Variants in SCN2B observed in about 807,000 individuals in gnomAD.
SCN2B encodes the protein sodium channel regulatory subunit beta-2.
Under a neutral mutation model 18.2 loss-of-function variants are expected in SCN2B, and 14 were observed. That is an observed-to-expected ratio of 0.77 (90% CI 0.51 to 1.21). The LOEUF is 1.21. Among genes scored for constraint, SCN2B ranks in the 50% most tolerant of loss-of-function variants. The pLI is 0.00. For synonymous variants in SCN2B, 115 were observed against 115.3 expected (o/e 1.00, Z 0.02); for missense variants, 262 against 286.9 (o/e 0.91, Z 0.63).
At chr11:118,176,311 T>C (rs763016163) in intron 1 of SCN2B, 51 bp downstream of exon 1, 2 of 1,493,572 alleles carry the variant, frequency 1.3e-6, no homozygotes, top group Admixed American at 3.3e-5. Flanking sequence ...CCTCTTCACA[T>C]TGCGGCTACA....
rs551450169 is a variant in SCN2B, at chr11:118,169,437, C to T, written c.71-686G>A. 1.7e-4 allele frequency among the ~76,000 whole-genome samples: 26 copies of T among 152,268 alleles called. No homozygotes were observed. In the South Asian group the frequency reaches 4.6e-3, roughly 27 times the overall value. On this transcript the variant is annotated intron_variant, in intron 1 of 3. Coordinates refer to ENST00000278947, the MANE Select transcript of SCN2B (RefSeq NM_004588.5). ...AGCTGAAACTGCAGGGCTCCCCTGC[C>T]GTTCTGTTCTCAGGACAGCAGACTG... is the stretch of plus-strand genomic sequence containing the variant.
rs900671388 is a variant in SCN2B at position 118,174,816 on chromosome 11, C to T, written c.70+1546G>A. 4.6e-5 allele frequency among the ~76,000 whole-genome samples: 7 copies of T among 152,182 alleles called. No homozygotes were observed. The East Asian group carries it at 9.6e-4, about 21-fold the overall frequency. ...CTCACCAGGCGGCTTCTCTCCTGCA[C>T]GAAGTGCTTCCTAACTCCTGAGGAA... On this transcript the variant is annotated intron_variant, in intron 1 of 3. Transcript: ENST00000278947.
rs1555101438 is a variant in SCN2B at position 118,174,091 on chromosome 11, C to CTTTTGTTTTTTTTTT, written c.70+2270_70+2271insAAAAAAAAAACAAAA. Reference sequence around the variant, plus strand: ...ACCATGCCTGGCTTATTTTTCTTTTCTTTTTTTTTTTTTTTTTTTTTTTTT... The same window carrying CTTTTGTTTTTTTTTT: ...ACCATGCCTGGCTTATTTTTCTTTTCTTTTGTTTTTTTTTTTTTTTTTTTTTTTTTTTTTTTTTTT... On this transcript the variant is annotated intron_variant, in intron 1 of 3. Transcript: ENST00000278947. Among the ~76,000 whole-genome samples the CTTTTGTTTTTTTTTT allele has an allele frequency of 8.7e-4, 58 of 66,660 alleles. 10 individuals carry two copies. The highest frequency in any genetic ancestry group is 3.1e-3 in the African/African-American group (48 of 15,544). The allele number at this position is 66,660 out of a possible 152,430, so 43.7% of individuals were successfully genotyped here.
At chr11:118,172,879 T>G (rs1253886108) in intron 1 of SCN2B, among the ~76,000 whole-genome samples, 5 of 136,998 alleles carry the variant, frequency 3.6e-5, no homozygotes. Context: ...ATGAGGTAAT[T>G]ATTTTCTTCT....
chr11:118,175,995 T>TA (rs1948465843), intron 1 of SCN2B, among the ~76,000 whole-genome samples: 1 of 152,120 alleles, frequency 6.6e-6, no homozygotes, highest in Non-Finnish European at 1.5e-5. Context: ...AAGGGAGCAT[T>TA]AAGTCCCAGG....
rs677652 is a variant in SCN2B at position 118,165,996 on chromosome 11, C to T, written c.*891G>A. ...GAAAGCTGCCCCACCCTGTGCATGG[C>T]CTCCTCATTTCCCAGCCTTGGCTGC... On this transcript the variant is annotated 3_prime_UTR_variant, in exon 4 of 4. Coordinates refer to ENST00000278947, the MANE Select transcript of SCN2B (RefSeq NM_004588.5). 0.08 allele frequency: 12,248 copies of T among 152,396 alleles called. 1,665 individuals are homozygous for T. The highest frequency in any genetic ancestry group is 0.28 in the African/African-American group (11,603 of 41,520). 9.4% of individuals were successfully genotyped at this position (152,396 alleles called of 1,614,324 possible). A position where few individuals can be genotyped will look rare whatever the true frequency, so the allele number is the denominator to read the frequency against.
chr11:118,171,174 G>A (rs1948428345), intron 1 of SCN2B, among the ~76,000 whole-genome samples: 1 of 152,176 alleles, frequency 6.6e-6, no homozygotes, highest in Non-Finnish European at 1.5e-5. Flanking sequence ...CAAGCTGGGA[G>A]ACAGCTGTCA....
intron 3 of SCN2B, 36 bp from the exon 4 acceptor site, chr11:118,167,122 G>T (rs377570561): frequency 1.9e-6 from 3 of 1,595,062 alleles, no homozygotes; most frequent in Non-Finnish European, 1.7e-6. Context: ...CACCAGGGCT[G>T]GGAAAGGGGC....
chr11:118,176,011 G>A (rs531469662), intron 1 of SCN2B, among the ~76,000 whole-genome samples: 6 of 152,220 alleles, frequency 3.9e-5, no homozygotes, highest in South Asian at 2.1e-4. Flanking sequence ...CCAGGACCCC[G>A]CATTTGCAGC....
chr11:118,168,789 G>A lies in SCN2B; in HGVS notation c.71-38C>T, dbSNP rs1185240544. 6.2e-7 allele frequency: 1 copy of A among 1,613,010 alleles called. No individual in the cohort carries two copies. The highest frequency in any genetic ancestry group is 8.5e-7 in the Non-Finnish European group (1 of 1,179,570). On this transcript the variant is annotated intron_variant, in intron 1 of 3. Transcript: ENST00000278947. The surrounding 1 kb of genome is among the most constrained non-coding windows in gnomAD (Gnocchi z 4.7). The stretch of plus-strand genomic sequence containing the variant: ...CCACAAGCTGGTGAGGAGTCTGGCT[G>A]AAAGGGCTGGGGAGGGGCAAGCCCT...
intron 1 of SCN2B, among the ~76,000 whole-genome samples, chr11:118,175,895 C>A: frequency 6.6e-6 from 1 of 152,118 alleles, no homozygotes; most frequent in East Asian, 1.9e-4. Context: ...AGAAGCCAGA[C>A]CCAGACTCAA....
At chr11:118,176,077 C>T (rs996685919) in intron 1 of SCN2B, among the ~76,000 whole-genome samples, 5 of 152,162 alleles carry the variant, frequency 3.3e-5, no homozygotes, top group African/African-American at 4.8e-5. Flanking sequence ...TCTGCCCCAC[C>T]GCCACGTAGG....
intron 1 of SCN2B, among the ~76,000 whole-genome samples, chr11:118,172,467 G>A (rs976239963): frequency 1.3e-5 from 2 of 152,208 alleles, no homozygotes; most frequent in African/African-American, 4.8e-5. Flanking sequence ...CCCATTCCAA[G>A]GCATCCGATC....
chr11:118,175,903 C>T (rs1384516339), intron 1 of SCN2B, among the ~76,000 whole-genome samples: 1 of 152,174 alleles, frequency 6.6e-6, no homozygotes, highest in Non-Finnish European at 1.5e-5. Flanking sequence ...GACCCAGACT[C>T]AACTTTCTGC....
chr11:118,168,826 A>C lies in SCN2B; in HGVS notation c.71-75T>G. 6.5e-7 allele frequency: 1 copy of C among 1,547,596 alleles called. No homozygotes were observed. The highest frequency in any genetic ancestry group is 8.9e-7 in the Non-Finnish European group (1 of 1,121,738). On this transcript the variant is annotated intron_variant, in intron 1 of 3. Coordinates refer to ENST00000278947, the MANE Select transcript of SCN2B (RefSeq NM_004588.5). This position sits in a 1 kb window ranked among gnomAD's most constrained non-coding sequence, Gnocchi z 4.7. The stretch of plus-strand genomic sequence containing the variant: ...GAGGGGCAAGCCCTCTGTGCCTGGG[A>C]GTGTTGGGGGATGAGGCAGAGCAGA...
Position 118,176,375 on chromosome 11 carries a change from G to A in SCN2B, c.57C>T (p.Leu19=). The change falls in exon 1 of 4, where the codon CTC becomes CTT. Residue 19 remains leucine, a synonymous_variant. Coordinates refer to ENST00000278947, the MANE Select transcript of SCN2B (RefSeq NM_004588.5). ...RPAFSLTGLS[L]FFSLVPPGRS... ...TGTCTAACTTACCCAAAGAGAAAAA[G>A]AGACTGAGCCCCGTGAGGCTGAAGG... The A allele has an allele frequency of 6.2e-7, 1 of 1,614,022 alleles. No individual in the cohort carries two copies. Among genetic ancestry groups the A allele is most frequent in the Non-Finnish European group, 8.5e-7 (1 of 1,179,930 alleles).
chr11:118,166,428 G>C lies in SCN2B; in HGVS notation c.*459C>G, dbSNP rs917103058. On this transcript the variant is annotated 3_prime_UTR_variant, in exon 4 of 4. Transcript: ENST00000278947. ...ATGGCTGCTCTGGGCTGGGAGCAGG[G>C]GAGGAGCACAGCCGTGCCAGGCCAA... 4.1e-6 allele frequency: 1 copy of C among 241,366 alleles called. No individual in the cohort carries two copies. The highest frequency in any genetic ancestry group is 8.3e-6 in the Non-Finnish European group (1 of 120,850). The allele number at this position is 241,366 out of a possible 1,614,324, so 15.0% of individuals were successfully genotyped here. A position where few individuals can be genotyped will look rare whatever the true frequency, so the allele number is the denominator to read the frequency against.
intron 3 of SCN2B, among the ~76,000 whole-genome samples, chr11:118,167,444 C>G (rs938041003): frequency 2.6e-5 from 4 of 152,182 alleles, no homozygotes; most frequent in Admixed American, 1.3e-4. Flanking sequence ...ATAATAGTAC[C>G]TCCCTCAAAG....
chr11:118,164,246 G>A lies in SCN2B; in HGVS notation c.*2641C>T, dbSNP rs1342085102. 1 of 152,428 alleles carries A rather than the reference G, an allele frequency of 6.6e-6. No homozygotes were observed. The highest frequency in any genetic ancestry group is 1.5e-5 in the Non-Finnish European group (1 of 68,048). 9.4% of individuals were successfully genotyped at this position (152,428 alleles called of 1,614,324 possible). On this transcript the variant is annotated 3_prime_UTR_variant, in exon 4 of 4. Transcript: ENST00000278947. The stretch of plus-strand genomic sequence containing the variant: ...ACAGCTCCTCACTCATCCTGGGAGA[G>A]AAGGACACTTAAAGGGTGACCAAAA...
Sources: allele counts gnomAD v4.1 joint callset (sites outside exome capture counted in the v4.1 genomes callset), GRCh38; gene constraint gnomAD v4.1.1; non-coding constraint Gnocchi (gnomAD v3.1); transcripts MANE v1.5; gene names NCBI Gene and HGNC (gene_info 2026-07-23, HGNC 2026-07-21).